PTPRD: variants seen among roughly 807,000 people sequenced by gnomAD.
PTPRD encodes protein tyrosine phosphatase receptor type D.
In PTPRD, 34 loss-of-function variants were observed where a neutral mutation model predicts 214.5. That is an observed-to-expected ratio of 0.16 (90% confidence interval 0.12 to 0.21). The LOEUF is 0.21. PTPRD is among the 10% of genes least tolerant of loss of function. The pLI is 1.00. For missense variants in PTPRD, 2,545 were observed against 2,398.7 expected (o/e 1.06, Z -1.27); for synonymous variants, 1,128 against 845.7 (o/e 1.33, Z -5.79).
chr9:10,189,796 A>T (rs2154318283), intron 3 of PTPRD, among the ~76,000 whole-genome samples: 1 of 152,320 alleles, frequency 6.6e-6, no homozygotes, highest in Admixed American at 6.5e-5. Context: ...TAGAAAAATC[A>T]TATATAAACC....
intron 3 of PTPRD, among the ~76,000 whole-genome samples, chr9:10,262,870 T>C (rs2093789023): frequency 6.6e-6 from 1 of 152,182 alleles, no homozygotes; most frequent in Non-Finnish European, 1.5e-5. Flanking sequence ...TCTTGAATTG[T>C]AGCTCCCATA....
chr9:8,615,816 G>A (rs80103550), intron 14 of PTPRD, among the ~76,000 whole-genome samples: 9,555 of 151,974 alleles, frequency 0.063, 360 homozygotes, highest in Middle Eastern at 0.099. Context: ...AATAATTTCC[G>A]TCCCTTTCTT....
In PTPRD at chr9:8,484,392, A is replaced by C. The variant is rs71507650; in HGVS notation, c.3154-14T>G. The C allele has an allele frequency of 1.9e-6, 3 of 1,592,270 alleles. No homozygotes were observed. The highest frequency in any genetic ancestry group is 2.6e-6 in the Non-Finnish European group (3 of 1,169,260). On this transcript the variant is annotated splice_polypyrimidine_tract_variant and intron_variant, in intron 29 of 45. Transcript: ENST00000381196. ...ATCATAAAGAATCTAAAGAGATAAA[A>C]CCAATAAAAAAAAAATCTGGTTATC... is the stretch of plus-strand genomic sequence containing the variant.
At chr9:9,212,134 T>A (rs1012073979) in intron 9 of PTPRD, among the ~76,000 whole-genome samples, 1 of 152,160 alleles carries the variant, frequency 6.6e-6, no homozygotes, top group South Asian at 2.1e-4. Flanking sequence ...CTGAGAGGGA[T>A]AAAGATGTTT....
intron 9 of PTPRD, among the ~76,000 whole-genome samples, chr9:9,366,087 G>A (rs541344360): frequency 6.6e-6 from 1 of 151,426 alleles, no homozygotes; most frequent in Non-Finnish European, 1.5e-5. Context: ...TCTATTGCAT[G>A]AGAATTCAAA....
chr9:9,330,762 G>A (rs535094167), intron 9 of PTPRD, among the ~76,000 whole-genome samples: 96 of 151,796 alleles, frequency 6.3e-4, no homozygotes, highest in African/African-American at 2.2e-3. Context: ...TTTTGCTTAG[G>A]GGAATAAGTG....
chr9:8,658,750 T>C (rs570174538), intron 12 of PTPRD, among the ~76,000 whole-genome samples: 89 of 151,712 alleles, frequency 5.9e-4, no homozygotes, highest in African/African-American at 2.1e-3. Context: ...ATGGAAACAC[T>C]ACCCTAGCTA....
intron 32 of PTPRD, 75 bp from the exon 33 acceptor site, chr9:8,460,646 C>A (rs1224842669): frequency 3.5e-6 from 5 of 1,427,336 alleles, no homozygotes; most frequent in Admixed American, 2.3e-5. Context: ...TTAGAAGAAG[C>A]AAAAAATCCA....
intron 11 of PTPRD, among the ~76,000 whole-genome samples, chr9:8,984,785 G>A (rs1821946697): frequency 1.3e-5 from 2 of 152,092 alleles, no homozygotes; most frequent in African/African-American, 2.4e-5. Flanking sequence ...TCTATGATAA[G>A]AATGTACCTC....
At chr9:8,870,277 A>G (rs2154202983) in intron 11 of PTPRD, among the ~76,000 whole-genome samples, 1 of 152,248 alleles carries the variant, frequency 6.6e-6, no homozygotes, top group African/African-American at 2.4e-5. Flanking sequence ...AGACCCCTCA[A>G]AATAACCTTT....
At chr9:9,969,968 T>C (rs2154042565) in intron 4 of PTPRD, among the ~76,000 whole-genome samples, 1 of 152,242 alleles carries the variant, frequency 6.6e-6, no homozygotes, top group South Asian at 2.1e-4. Context: ...TCCACTCCTT[T>C]ATGATTCAAG....
At chr9:8,687,687 G>T (rs2097710752) in intron 12 of PTPRD, among the ~76,000 whole-genome samples, 1 of 151,592 alleles carries the variant, frequency 6.6e-6, no homozygotes, top group Non-Finnish European at 1.5e-5. Context: ...TGGAAAAAAG[G>T]CAAATATTAA....
intron 14 of PTPRD, among the ~76,000 whole-genome samples, chr9:8,591,264 C>G (rs1564568298): frequency 6.6e-6 from 1 of 152,230 alleles, no homozygotes; most frequent in East Asian, 1.9e-4. Context: ...CACAAGGTTC[C>G]AAAGAATAGG....
At position 8,730,465 on chromosome 9, in the gene PTPRD, A is replaced by C. The variant is rs13296379; in HGVS notation, c.64+3315T>G. Among the ~76,000 whole-genome samples the C allele has an allele frequency of 5.2e-3, 799 of 152,286 alleles. 3 individuals carry two copies. Among genetic ancestry groups the C allele is most frequent in the Non-Finnish European group, 7.9e-3 (537 of 68,018 alleles). ...ATTTAAAAAAAATGTTCTATTTCTG[A>C]GATCAGGTAAACATTCAGGTTTAAT... On this transcript the variant is annotated intron_variant, in intron 12 of 45. Transcript: ENST00000381196.
At chr9:8,370,549 T>G (rs1427781957) in intron 39 of PTPRD, among the ~76,000 whole-genome samples, 1 of 152,138 alleles carries the variant, frequency 6.6e-6, no homozygotes, top group African/African-American at 2.4e-5. Flanking sequence ...TGGTAGCTAT[T>G]GTGATTATTT....
intron 10 of PTPRD, among the ~76,000 whole-genome samples, chr9:9,153,355 G>A (rs1351492490): frequency 6.6e-6 from 1 of 152,136 alleles, no homozygotes; most frequent in Non-Finnish European, 1.5e-5. Context: ...CGCTGTATAC[G>A]ATATAACAGG....
rs199826338 is a variant in PTPRD at position 10,344,234 on chromosome 9, T to G, written c.-599-3217A>C. On this transcript the variant is annotated intron_variant, in intron 2 of 45. Transcript: ENST00000381196. ...GGTGTAAGGAAGGGATCCAGTTTCA[T>G]CTTTCTACATATGGCTAGCCAGTTT... Among the ~76,000 whole-genome samples, 4 of 152,008 alleles carry G rather than the reference T, an allele frequency of 2.6e-5. No homozygotes were observed. The South Asian group carries it at 6.2e-4, about 24-fold the overall frequency.
intron 9 of PTPRD, among the ~76,000 whole-genome samples, chr9:9,223,804 A>G (rs547849681): frequency 3.1e-4 from 47 of 152,066 alleles, no homozygotes; most frequent in African/African-American, 1.1e-3. Context: ...ATTATAAATG[A>G]TATGTCTCTG....
chr9:10,093,746 C>G (rs1170953357), intron 3 of PTPRD, among the ~76,000 whole-genome samples: 1 of 151,388 alleles, frequency 6.6e-6, no homozygotes, highest in Non-Finnish European at 1.5e-5. Context: ...TCTTGGAATA[C>G]TATGCAGCCA....
Sources: gnomAD v4.1 joint callset for allele counts (sites outside exome capture counted in the v4.1 genomes callset) on GRCh38, gnomAD v4.1.1 for gene constraint, MANE v1.5 for transcripts, NCBI Gene and HGNC (gene_info 2026-07-23, HGNC 2026-07-21) for gene names.